The following ZNF596 variants were observed in gnomAD, a reference collection of about 807,000 sequenced individuals.
The protein encoded by ZNF596 is zinc finger protein 596.
In ZNF596, 45 loss-of-function variants were observed where a neutral mutation model predicts 48.3. The ratio of observed to expected loss-of-function variants is 0.93; its 90% CI spans 0.73 to 1.19. ZNF596 has a LOEUF of 1.19. Among genes scored for constraint, ZNF596 ranks in the 50% most tolerant of loss-of-function variants. The pLI is 0.00. For synonymous variants in ZNF596, 270 were observed against 202.0 expected (o/e 1.34, Z -2.85); for missense variants, 848 against 599.7 (o/e 1.41, Z -4.32).
chr8:242,636 A>G (rs555291665), intron 2 of ZNF596, among the ~76,000 whole-genome samples: 4 of 152,168 alleles, frequency 2.6e-5, no homozygotes, highest in Non-Finnish European at 4.4e-5. Context: ...TTAGAAGTCT[A>G]TTGGGAAATC....
At chr8:241,304 C>T (rs1271415624) in intron 2 of ZNF596, among the ~76,000 whole-genome samples, 2 of 151,994 alleles carry the variant, frequency 1.3e-5, no homozygotes, top group Non-Finnish European at 2.9e-5. Context: ...CAGGTTATAG[C>T]CCATACAAAG....
chr8:235,973 TCTC>T (rs1187779095), intron 1 of ZNF596, among the ~76,000 whole-genome samples: 3 of 152,124 alleles, frequency 2.0e-5, no homozygotes, highest in Non-Finnish European at 4.4e-5. Flanking sequence ...TTAGACTAAT[TCTC>T]ATTTTTTACA....
chr8:233,184 T>C, intron 1 of ZNF596: 1 of 460,460 alleles, frequency 2.2e-6, no homozygotes, highest in African/African-American at 2.1e-5. Flanking sequence ...GAGAGTGACC[T>C]GAGCAAGTAG....
intron 3 of ZNF596, 113 bp from the exon 4 acceptor site, chr8:243,609 G>T (rs1165321718): frequency 2.1e-6 from 2 of 938,500 alleles, no homozygotes; most frequent in Non-Finnish European, 3.3e-6. Context: ...ACTCTTCCCA[G>T]GCTGACCTTC....
At position 246,151 on chromosome 8, in the gene ZNF596, G is replaced by C. The variant is rs1797077506; in HGVS notation, c.1304G>C (p.Arg435Thr). The C allele has an allele frequency of 6.2e-7, 1 of 1,613,632 alleles. No individual in the cohort carries two copies. Among genetic ancestry groups the C allele is most frequent in the Admixed American group, 1.7e-5 (1 of 59,972 alleles). The stretch of plus-strand genomic sequence containing the variant: ...GCCTTCAATCACTCTTCTGTCCTTA[G>C]ACGACATGAGAGAACTCACACTGGA... The part of the protein sequence containing the change: ...GKAFNHSSVL[R>T]RHERTHTGEK... Residue 435 changes from arginine to threonine, a missense_variant, in exon 6 of 6, where the codon AGA (arginine) becomes ACA (threonine). Arg to Thr is a moderately conservative substitution (Grantham distance 71). Coordinates refer to ENST00000398612, the MANE Select transcript of ZNF596 (RefSeq NM_001042416.3).
At chr8:243,686 G>C in intron 3 of ZNF596, 36 bp from the exon 4 acceptor site, 2 of 1,605,556 alleles carry the variant, frequency 1.2e-6, no homozygotes, top group Non-Finnish European at 1.7e-6. Context: ...TGTCAGCACA[G>C]AACTCAAAAT....
chr8:243,109 C>A, intron 3 of ZNF596, 96 bp downstream of exon 3: 2 of 1,143,846 alleles, frequency 1.7e-6, no homozygotes, highest in South Asian at 2.0e-5. Context: ...GTGCTTAGAA[C>A]AGCTTTCTCA....
In ZNF596 at chr8:232,502, C is replaced by G; in HGVS notation, c.-265C>G. 1 of 309,596 alleles carries G rather than the reference C, an allele frequency of 3.2e-6. No individual in the cohort carries two copies. The allele number at this position is 309,596 out of a possible 1,614,324, so 19.2% of individuals were successfully genotyped here. On this transcript the variant is annotated 5_prime_UTR_variant, in exon 1 of 6. Coordinates refer to ENST00000398612, the MANE Select transcript of ZNF596 (RefSeq NM_001042416.3). ...TCCACACCCGGGGTCTGCTGGTCTC[C>G]GCGGATGTCACAGGCTCGGCAACCG...
intron 5 of ZNF596, 44 bp from the exon 6 acceptor site, chr8:245,110 G>A: frequency 1.3e-6 from 2 of 1,522,266 alleles, no homozygotes; most frequent in Non-Finnish European, 1.8e-6. Context: ...ATGAATGAGT[G>A]TGGATAAACC....
intron 1 of ZNF596, among the ~76,000 whole-genome samples, chr8:238,681 C>A (rs1260658658): frequency 2.0e-5 from 3 of 148,342 alleles, no homozygotes; most frequent in Non-Finnish European, 4.4e-5. Flanking sequence ...GTGACGGGCA[C>A]CTATAATCCC....
At position 246,153 on chromosome 8, in the gene ZNF596, C is replaced by G; in HGVS notation, c.1306C>G (p.Arg436Gly). 1 of 1,613,610 alleles carries G rather than the reference C, an allele frequency of 6.2e-7. No individual in the cohort carries two copies. The highest frequency in any genetic ancestry group is 8.5e-7 in the Non-Finnish European group (1 of 1,179,750). ...KAFNHSSVLR[R>G]HERTHTGEKP... ...CTTCAATCACTCTTCTGTCCTTAGACGACATGAGAGAACTCACACTGGAGA... is the reference window on the plus strand; with the variant it reads ...CTTCAATCACTCTTCTGTCCTTAGAGGACATGAGAGAACTCACACTGGAGA... Residue 436 changes from arginine to glycine, a missense_variant, in exon 6 of 6, where the codon CGA becomes GGA. Coordinates refer to ENST00000398612, the MANE Select transcript of ZNF596 (RefSeq NM_001042416.3).
intron 1 of ZNF596, chr8:234,520 C>G (rs889339827): frequency 1.3e-5 from 2 of 152,170 alleles, no homozygotes; most frequent in Non-Finnish European, 2.9e-5. Flanking sequence ...GCAGGGGCTT[C>G]TCAAGAAGGA....
chr8:241,652 A>G (rs1179818989), intron 2 of ZNF596, among the ~76,000 whole-genome samples: 1 of 152,166 alleles, frequency 6.6e-6, no homozygotes. Flanking sequence ...TGAAGTGGAG[A>G]GACCAGGACA....
Position 242,091 on chromosome 8 carries a change from A to C in ZNF596, c.13-796A>C, listed in dbSNP as rs114207970. ...GATTTGGGTGGGGACACAGAGCCAA[A>C]CTATATCACCTGGTGTTTGAAGATC... On this transcript the variant is annotated intron_variant, in intron 2 of 5. Coordinates refer to ENST00000398612, the MANE Select transcript of ZNF596 (RefSeq NM_001042416.3). Among the ~76,000 whole-genome samples the C allele has an allele frequency of 5.6e-3, 850 of 152,308 alleles. 11 individuals are homozygous for C. The highest frequency in any genetic ancestry group is 0.02 in the African/African-American group (812 of 41,562).
chr8:238,754 C>G (rs1466632184), intron 1 of ZNF596, among the ~76,000 whole-genome samples: 4 of 151,376 alleles, frequency 2.6e-5, no homozygotes, highest in Non-Finnish European at 5.9e-5. Flanking sequence ...TTGCAGTGAG[C>G]TGGTATCGTG....
At position 245,490 on chromosome 8, in the gene ZNF596, A is replaced by G; in HGVS notation, c.643A>G (p.Met215Val). 6.2e-7 allele frequency: 1 copy of G among 1,614,198 alleles called. No individual in the cohort carries two copies. The highest frequency in any genetic ancestry group is 8.5e-7 in the Non-Finnish European group (1 of 1,180,024). Residue 215 changes from methionine (M) to valine (V), a missense_variant, in exon 6 of 6, where the codon ATG becomes GTG. Physicochemically the swap from Met to Val is conservative, Grantham distance 21. Transcript: ENST00000398612. ...AAATTCTAATCTTAGGCGACATGAG[A>G]TGATTCACACTGGAGAGAAACCACA... Reference protein sequence around the residue: ...SKNSNLRRHEMIHTGEKPHGC... With the variant: ...SKNSNLRRHEVIHTGEKPHGC...
chr8:238,649 A>G (rs1397675938), intron 1 of ZNF596, among the ~76,000 whole-genome samples: 11 of 148,516 alleles, frequency 7.4e-5, no homozygotes, highest in Non-Finnish European at 8.9e-5. Context: ...AAAAAAAAAA[A>G]AAAAAAAATT....
chr8:241,599 G>C (rs1383836469), intron 2 of ZNF596, among the ~76,000 whole-genome samples: 1 of 152,178 alleles, frequency 6.6e-6, no homozygotes, highest in Non-Finnish European at 1.5e-5. Context: ...TTAAGTGATG[G>C]AGTATAGGAA....
At chr8:240,758 G>C (rs1430282367) in intron 1 of ZNF596, 66 bp from the exon 2 acceptor site, 1 of 1,051,310 alleles carries the variant, frequency 9.5e-7, no homozygotes, top group Non-Finnish European at 1.5e-6. Context: ...AATAGCTTTG[G>C]GGCAGATGTT....
Sources: gnomAD v4.1 joint callset for allele counts (sites outside exome capture counted in the v4.1 genomes callset) on GRCh38, gnomAD v4.1.1 for gene constraint, MANE v1.5 for transcripts, NCBI Gene and HGNC (gene_info 2026-07-23, HGNC 2026-07-21) for gene names.